The following TFDP2 variants were observed in gnomAD, a reference collection of about 807,000 sequenced individuals.
TFDP2 encodes the protein transcription factor Dp-2 (E2F dimerization partner 2).
Under a neutral mutation model 59.3 loss-of-function variants are expected in TFDP2, and 17 were observed. That is an observed-to-expected ratio of 0.29 (90% confidence interval 0.20 to 0.43). The LOEUF (loss-of-function observed/expected upper bound fraction) is 0.43, where lower values mean the gene tolerates loss of function less well. TFDP2 is among the 20% of genes least tolerant of loss of function. The pLI, the probability that TFDP2 is intolerant of heterozygous loss-of-function variation, is 1.00. For synonymous variants in TFDP2, 180 were observed against 194.7 expected (o/e 0.92, Z 0.63); for missense variants, 391 against 528.8 (o/e 0.74, Z 2.56).
At chr3:142,104,632 T>C (rs1472127514) in intron 1 of TFDP2, among the ~76,000 whole-genome samples, 1 of 152,148 alleles carries the variant, frequency 6.6e-6, no homozygotes, top group East Asian at 1.9e-4. Context: ...GAATGTGAAA[T>C]ATTTAGAACT....
At chr3:142,033,132 T>C (rs1253527608) in intron 3 of TFDP2, among the ~76,000 whole-genome samples, 1 of 152,048 alleles carries the variant, frequency 6.6e-6, no homozygotes. Flanking sequence ...GAGGCAGAGG[T>C]TGCAGTGAGC....
At position 141,973,114 on chromosome 3, in the gene TFDP2, TA is replaced by T. The variant is rs1559951394; in HGVS notation, c.663+933del. On this transcript the variant is annotated intron_variant, in intron 8 of 12. Coordinates refer to ENST00000489671, the MANE Select transcript of TFDP2 (RefSeq NM_001178139.2). ...ATGTGTATATATATATATATATATA[TA>T]TATATATATTTTTTTTTTTTAAAGA... Among the ~76,000 whole-genome samples the T allele has an allele frequency of 2.6e-3, 321 of 124,578 alleles. 4 individuals carry two copies. Among genetic ancestry groups the T allele is most frequent in the South Asian group, 9.7e-3 (38 of 3,912 alleles). 81.7% of individuals were successfully genotyped at this position (124,578 alleles called of 152,430 possible).
intron 1 of TFDP2, among the ~76,000 whole-genome samples, chr3:142,141,510 C>G (rs1674359937): frequency 6.6e-6 from 1 of 152,164 alleles, no homozygotes; most frequent in Admixed American, 6.5e-5. Flanking sequence ...GAACGAAGAT[C>G]TATTTAATTT....
intron 3 of TFDP2, among the ~76,000 whole-genome samples, chr3:142,022,789 A>C (rs1230406004): frequency 1.3e-5 from 2 of 152,198 alleles, no homozygotes; most frequent in East Asian, 3.9e-4. Context: ...AATATTTATA[A>C]GAGGTGACCA....
intron 3 of TFDP2, among the ~76,000 whole-genome samples, chr3:142,071,306 A>G (rs924730894): frequency 4.6e-5 from 7 of 152,024 alleles, no homozygotes; most frequent in African/African-American, 1.7e-4. Context: ...ACAGGCGCAC[A>G]CCACCGCACC....
At chr3:142,060,610 A>G (rs1456022753) in intron 3 of TFDP2, among the ~76,000 whole-genome samples, 1 of 152,194 alleles carries the variant, frequency 6.6e-6, no homozygotes, top group Non-Finnish European at 1.5e-5. Flanking sequence ...TTAAATATAT[A>G]AAAATGTGTG....
At chr3:142,013,945 G>C (rs1553776240) in intron 3 of TFDP2, among the ~76,000 whole-genome samples, 2 of 150,846 alleles carry the variant, frequency 1.3e-5, no homozygotes, top group South Asian at 2.1e-4. Context: ...TTTTTTGCTT[G>C]AATTAGCTTT....
intron 1 of TFDP2, among the ~76,000 whole-genome samples, chr3:142,142,896 C>T (rs775216107): frequency 6.6e-6 from 1 of 152,152 alleles, no homozygotes; most frequent in Non-Finnish European, 1.5e-5. Context: ...ACTGGATATG[C>T]AAATGCAGAA....
intron 3 of TFDP2, among the ~76,000 whole-genome samples, chr3:142,046,871 C>G (rs1033885211): frequency 1.3e-5 from 2 of 152,206 alleles, no homozygotes; most frequent in African/African-American, 4.8e-5. Context: ...CACCAGCTAG[C>G]TATCATCTAA....
Position 141,950,744 on chromosome 3 carries a change from A to T in TFDP2, c.*1769T>A, listed in dbSNP as rs371019417. The T allele has an allele frequency of 2.0e-5, 3 of 152,646 alleles. No homozygotes were observed. Among genetic ancestry groups the T allele is most frequent in the Non-Finnish European group, 4.4e-5 (3 of 68,062 alleles). 9.5% of individuals were successfully genotyped at this position (152,646 alleles called of 1,614,324 possible). A position where few individuals can be genotyped will look rare whatever the true frequency, so the allele number is the denominator to read the frequency against. The stretch of plus-strand genomic sequence containing the variant: ...TTTGGAGGGAAATCCCAATCCGTGC[A>T]GCTGAAAGATTCCCTGCAGGCCCCT... On this transcript the variant is annotated 3_prime_UTR_variant, in exon 13 of 13. Transcript: ENST00000489671.
chr3:141,972,819 T>C (rs1396012402), intron 8 of TFDP2, among the ~76,000 whole-genome samples: 1 of 152,084 alleles, frequency 6.6e-6, no homozygotes, highest in Non-Finnish European at 1.5e-5. Flanking sequence ...ACAAGGTAGA[T>C]GTGAATAGGG....
chr3:142,079,895 A>G (rs757830157), intron 3 of TFDP2, among the ~76,000 whole-genome samples: 1 of 152,264 alleles, frequency 6.6e-6, no homozygotes, highest in Non-Finnish European at 1.5e-5. Context: ...AATTCTAAAG[A>G]AATTCCTTCA....
intron 7 of TFDP2, among the ~76,000 whole-genome samples, chr3:141,978,155 G>A (rs1940990637): frequency 1.3e-5 from 2 of 151,704 alleles, no homozygotes; most frequent in South Asian, 4.2e-4. Context: ...GACCAGCCTG[G>A]CCAACATGGT....
At chr3:142,111,397 C>T (rs1056590998) in intron 1 of TFDP2, among the ~76,000 whole-genome samples, 4 of 142,536 alleles carry the variant, frequency 2.8e-5, no homozygotes, top group South Asian at 2.2e-4. Context: ...CACTGCACTC[C>T]GGCCTGGCCG....
In TFDP2 at chr3:142,107,458, T is replaced by C. The variant is rs534820728; in HGVS notation, c.-92-5617A>G. 2.6e-5 allele frequency among the ~76,000 whole-genome samples: 4 copies of C among 152,180 alleles called. No individual in the cohort carries two copies. In the South Asian group the frequency reaches 8.3e-4, roughly 32 times the overall value. The stretch of plus-strand genomic sequence containing the variant: ...CATGTTGGCCACGCTGGTCTTGAAC[T>C]CCTGACCTCATGATCCACCCACCTC... On this transcript the variant is annotated intron_variant, in intron 1 of 12. Transcript: ENST00000489671.
intron 3 of TFDP2, among the ~76,000 whole-genome samples, chr3:142,091,110 C>T (rs1320255400): frequency 6.6e-6 from 1 of 152,130 alleles, no homozygotes; most frequent in Non-Finnish European, 1.5e-5. Flanking sequence ...GCCCTCACGG[C>T]AGTCTGGAGT....
rs758152668 is a variant in TFDP2, at chr3:142,133,503, G to A, written c.-93+15680C>T. Among the ~76,000 whole-genome samples, 253 of 149,850 alleles carry A rather than the reference G, an allele frequency of 1.7e-3. 4 individuals carry two copies. Among genetic ancestry groups the A allele is most frequent in the Non-Finnish European group, 2.6e-3 (175 of 67,982 alleles). On this transcript the variant is annotated intron_variant, in intron 1 of 12. Coordinates refer to ENST00000489671, the MANE Select transcript of TFDP2 (RefSeq NM_001178139.2). Reference sequence around the variant, plus strand: ...TTATAGGCATGAGCCACTGCACCAGGCCCAAAAGCAGTTTGTTTGTTTGGT... The same window carrying A: ...TTATAGGCATGAGCCACTGCACCAGACCCAAAAGCAGTTTGTTTGTTTGGT...
chr3:142,077,555 C>T (rs2060501787), intron 3 of TFDP2, among the ~76,000 whole-genome samples: 1 of 152,172 alleles, frequency 6.6e-6, no homozygotes, highest in Admixed American at 6.5e-5. Flanking sequence ...TCCCAGAAGA[C>T]ACTTCTAGAC....
chr3:142,088,077 C>T (rs1209202616), intron 3 of TFDP2, among the ~76,000 whole-genome samples: 2 of 152,210 alleles, frequency 1.3e-5, no homozygotes, highest in Non-Finnish European at 2.9e-5. Context: ...AGAATGTAAG[C>T]TCCATGAGGG....
Sources: allele counts gnomAD v4.1 joint callset (sites outside exome capture counted in the v4.1 genomes callset), GRCh38; gene constraint gnomAD v4.1.1; transcripts MANE v1.5; gene names NCBI Gene and HGNC (gene_info 2026-07-23, HGNC 2026-07-21).